MYH15: variants seen among roughly 807,000 people sequenced by gnomAD.
MYH15 encodes the protein myosin heavy chain 15.
MYH15 carries 227 observed loss-of-function variants against 240.5 expected under a neutral mutation model. That is an observed-to-expected ratio of 0.94 (90% CI 0.85 to 1.05). MYH15 has a LOEUF of 1.05. Among genes scored for constraint, MYH15 ranks in the 50% least tolerant of loss-of-function variants. The probability of loss-of-function intolerance (pLI) is 0.00; values close to 1 mark genes in which losing one functional copy is unlikely to be tolerated. For synonymous variants in MYH15, 785 were observed against 796.7 expected (o/e 0.99, Z 0.25); for missense variants, 2,217 against 2,247.5 (o/e 0.99, Z 0.27).
upstream of MYH15, among the ~76,000 whole-genome samples, chr3:108,514,022 T>C (rs554038248): frequency 2.0e-5 from 3 of 152,272 alleles, no homozygotes; most frequent in Non-Finnish European, 2.9e-5. Flanking sequence ...GTTGATAAAG[T>C]AAAGACAAAG....
chr3:108,473,039 G>A (rs2083190217), intron 12 of MYH15, among the ~76,000 whole-genome samples: 1 of 152,074 alleles, frequency 6.6e-6, no homozygotes, highest in African/African-American at 2.4e-5. Context: ...ACAGAGTGTT[G>A]CTCTGTTGCC....
chr3:108,388,749 T>G (rs914937278), intron 38 of MYH15, among the ~76,000 whole-genome samples: 1 of 152,180 alleles, frequency 6.6e-6, no homozygotes, highest in Non-Finnish European at 1.5e-5. Context: ...TAATTGCAAC[T>G]TGCCCCTCAC....
chr3:108,389,954 C>T (rs928915470), intron 37 of MYH15, among the ~76,000 whole-genome samples: 24 of 152,192 alleles, frequency 1.6e-4, no homozygotes, highest in African/African-American at 5.8e-4. Context: ...CCCACTGGAG[C>T]CATTCTTCCC....
intron 16 of MYH15, among the ~76,000 whole-genome samples, chr3:108,461,210 G>A (rs931944638): frequency 6.6e-6 from 1 of 152,162 alleles, no homozygotes; most frequent in Non-Finnish European, 1.5e-5. Context: ...AGTAGCAACT[G>A]TGCGATGGCA....
At chr3:108,439,993 C>T (rs2082872854) in intron 23 of MYH15, 80 bp from the exon 24 acceptor site, 7 of 1,277,738 alleles carry the variant, frequency 5.5e-6, no homozygotes, top group South Asian at 3.7e-5. Flanking sequence ...TCTCTTCTGT[C>T]GTCCAAAACT....
chr3:108,384,784 T>G lies in MYH15; in HGVS notation c.5536-2A>C. ...CAGATTCTTCTTGTCTTCCTCTGCC[T>G]GCAATACATAGGCATGTATGGGAAG... On this transcript the variant is annotated splice_acceptor_variant, in intron 38 of 40. Transcript: ENST00000693548. LOFTEE classifies it high-confidence loss of function. 4 of 1,612,980 alleles carry G rather than the reference T, an allele frequency of 2.5e-6. No individual in the cohort carries two copies. The highest frequency in any genetic ancestry group is 3.4e-6 in the Non-Finnish European group (4 of 1,179,264).
intron 9 of MYH15, among the ~76,000 whole-genome samples, chr3:108,487,574 A>G: frequency 6.6e-6 from 1 of 152,222 alleles, no homozygotes; most frequent in East Asian, 1.9e-4. Flanking sequence ...GAAAATGCAA[A>G]CTAATCTGTG....
chr3:108,546,717 T>C, the MYH15 span, among the ~76,000 whole-genome samples: 1 of 152,192 alleles, frequency 6.6e-6, no homozygotes, highest in Non-Finnish European at 1.5e-5. Flanking sequence ...GGGATACTTG[T>C]AGCTCAATGT....
At chr3:108,463,437 C>G (rs376667903) in intron 15 of MYH15, among the ~76,000 whole-genome samples, 194 bp from the exon 16 acceptor site, 7 of 152,042 alleles carry the variant, frequency 4.6e-5, no homozygotes, top group East Asian at 3.9e-4. Context: ...CCCTCAGCCT[C>G]CAGAGTAGCT....
chr3:108,405,179 T>G (rs946036764), intron 33 of MYH15, 159 bp downstream of exon 33: 1 of 418,662 alleles, frequency 2.4e-6, no homozygotes, highest in African/African-American at 2.0e-5. Context: ...CTATACACGA[T>G]TATAGATATT....
chr3:108,413,023 T>C (rs1411272873), intron 30 of MYH15, among the ~76,000 whole-genome samples: 1 of 152,238 alleles, frequency 6.6e-6, no homozygotes, highest in African/African-American at 2.4e-5. Context: ...ACTACAGAAC[T>C]AGTTCCAACA....
At chr3:108,504,333 C>A (rs1314319516) in intron 2 of MYH15, among the ~76,000 whole-genome samples, 1 of 152,166 alleles carries the variant, frequency 6.6e-6, no homozygotes, top group African/African-American at 2.4e-5. Flanking sequence ...AGTTAAAAAG[C>A]ACCAAGTTCT....
In MYH15 at chr3:108,500,272, T is replaced by A; in HGVS notation, c.342A>T (p.Thr114=). The change falls in exon 4 of 41, where the codon ACA becomes ACT. Residue 114 remains threonine, a splice_region_variant and synonymous_variant. Transcript: ENST00000693548. Reference sequence around the variant, plus strand: ...TGGTCACACAGAAGAGACCTGAATATGTCTGAGGGAAAATCAGAAAAGATT... The same window carrying A: ...TGGTCACACAGAAGAGACCTGAATAAGTCTGAGGGAAAATCAGAAAAGATT... ...KRRYGQWMIY[T]YSGLFCVTIN... The A allele has an allele frequency of 6.2e-7, 1 of 1,601,116 alleles. No homozygotes were observed. The highest frequency in any genetic ancestry group is 2.2e-5 in the East Asian group (1 of 44,756).
Position 108,414,108 on chromosome 3 carries a change from G to T in MYH15, c.4145+124C>A. The stretch of plus-strand genomic sequence containing the variant: ...GTGCACGTTTCAGCTTTGGTTTTGG[G>T]CTTGTTCCTGCACTCGGCAAGGATT... On this transcript the variant is annotated intron_variant, in intron 30 of 40. Coordinates refer to ENST00000693548, the MANE Select transcript of MYH15 (RefSeq NM_014981.3). The T allele has an allele frequency of 3.9e-6, 4 of 1,023,232 alleles. No homozygotes were observed. The South Asian group carries it at 4.9e-5, about 12-fold the overall frequency. The allele number at this position is 1,023,232 out of a possible 1,614,324, so 63.4% of individuals were successfully genotyped here.
intron 12 of MYH15, among the ~76,000 whole-genome samples, chr3:108,471,061 A>AAGGGAGGGAGGAAGAG (rs1182020820): frequency 0.018 from 1,755 of 100,212 alleles, 122 homozygotes; most frequent in African/African-American, 0.059. Context: ...AAGAGGAAGG[A>AAGGGAGGGAGGAAGAG]AGGGAGGGAG....
intron 37 of MYH15, 98 bp downstream of exon 37, chr3:108,391,662 G>A (rs1029212295): frequency 6.4e-6 from 8 of 1,243,330 alleles, no homozygotes; most frequent in East Asian, 4.7e-5. Flanking sequence ...AAGTGATAAA[G>A]GGTATGTGTG....
chr3:108,479,239 A>C (rs1384532459), intron 11 of MYH15, among the ~76,000 whole-genome samples: 1 of 152,212 alleles, frequency 6.6e-6, no homozygotes, highest in East Asian at 1.9e-4. Flanking sequence ...CCCACCCATA[A>C]GCATCAGTTC....
chr3:108,520,660 T>A (rs1188946344), intron 1 of MYH15, among the ~76,000 whole-genome samples: 1 of 152,104 alleles, frequency 6.6e-6, no homozygotes, highest in Non-Finnish European at 1.5e-5. Context: ...TGCTACATAA[T>A]AGGATTAGAC....
At chr3:108,495,450 A>C (rs1274837716) in intron 7 of MYH15, among the ~76,000 whole-genome samples, 1 of 152,222 alleles carries the variant, frequency 6.6e-6, no homozygotes, top group Non-Finnish European at 1.5e-5. Context: ...AAAATAATTC[A>C]AATATGTAAA....
Sources: gnomAD v4.1 joint callset for allele counts (sites outside exome capture counted in the v4.1 genomes callset) on GRCh38, gnomAD v4.1.1 for gene constraint, MANE v1.5 for transcripts, NCBI Gene and HGNC (gene_info 2026-07-23, HGNC 2026-07-21) for gene names.